WDR73: variants seen among roughly 807,000 people sequenced by gnomAD.
WDR73 encodes WD repeat domain 73.
In WDR73, 30 loss-of-function variants were observed where a neutral mutation model predicts 38.2. The ratio of observed to expected loss-of-function variants is 0.79; its 90% CI spans 0.59 to 1.06. The LOEUF is 1.06. Ranked by LOEUF, WDR73 falls within the 50% of genes least tolerant of loss-of-function variation. The pLI is 0.00. For missense variants in WDR73, 487 were observed against 467.0 expected (o/e 1.04, Z -0.40); for synonymous variants, 197 against 176.0 (o/e 1.12, Z -0.94).
intron 7 of WDR73, chr15:84,645,144 G>A (rs936971633): frequency 3.6e-5 from 40 of 1,123,872 alleles, no homozygotes; most frequent in Non-Finnish European, 4.2e-5. Context: ...TAGGGACGGG[G>A]TTTCACCGTG....
intron 2 of WDR73, chr15:84,653,155 C>G (rs1343267289): frequency 4.9e-6 from 1 of 205,318 alleles, no homozygotes; most frequent in African/African-American, 2.3e-5. Flanking sequence ...ATCAAGCAAT[C>G]TGCCCGCTGC....
At position 84,643,032 on chromosome 15, in the gene WDR73, A is replaced by C. The variant is rs1298677340; in HGVS notation, c.*438T>G. ...ACCTGTGTTCCCATGAGACCCACTC[A>C]AGAGGAGCAGAAATCCTGTTTTGCT... On this transcript the variant is annotated 3_prime_UTR_variant, in exon 8 of 8. Transcript: ENST00000434634. 5.7e-6 allele frequency: 1 copy of C among 175,982 alleles called. No homozygotes were observed. Among genetic ancestry groups the C allele is most frequent in the African/African-American group, 2.4e-5 (1 of 41,656 alleles). 10.9% of individuals were successfully genotyped at this position (175,982 alleles called of 1,614,324 possible).
At chr15:84,652,923 G>A in intron 2 of WDR73, 121 bp from the exon 3 acceptor site, 2 of 582,540 alleles carry the variant, frequency 3.4e-6, no homozygotes, top group South Asian at 2.6e-5. Context: ...TTGAGTACCT[G>A]GTTGTGTCTT....
chr15:84,653,903 C>G, intron 1 of WDR73: 1 of 606,706 alleles, frequency 1.6e-6, no homozygotes, highest in South Asian at 2.0e-5. Flanking sequence ...TGTGGACGTC[C>G]CAGGGTACCC....
intron 3 of WDR73, among the ~76,000 whole-genome samples, chr15:84,651,916 G>A (rs1380895884): frequency 1.3e-5 from 2 of 152,084 alleles, no homozygotes; most frequent in African/African-American, 2.4e-5. Context: ...TGCCCAGGCT[G>A]GAGTGCAGTG....
Position 84,645,636 on chromosome 15 carries a change from T to TGGGCCCA in WDR73, c.711_717dup (p.Ser240TrpfsTer17). On this transcript the variant is annotated frameshift_variant, in exon 7 of 8. Coordinates refer to ENST00000434634, the MANE Select transcript of WDR73 (RefSeq NM_032856.5). LOFTEE classifies it high-confidence loss of function. ...CCATCTGAGCCAAGGCTGGCAATGC[T>TGGGCCCA]GGGCCCAGGGCCCTGGCCCCAGCTC... The TGGGCCCA allele has an allele frequency of 1.2e-6, 2 of 1,608,810 alleles. No homozygotes were observed. Among genetic ancestry groups the TGGGCCCA allele is most frequent in the Non-Finnish European group, 1.7e-6 (2 of 1,177,746 alleles).
Position 84,646,477 on chromosome 15 carries a change from T to A in WDR73, c.353-129A>T. On this transcript the variant is annotated intron_variant, in intron 5 of 7. Transcript: ENST00000434634. ...AAAGGAGCTGCCGGCTGGCAAGAGATGATGTTGAGACATAACTACTCTGGC... is the reference window on the plus strand; with the variant it reads ...AAAGGAGCTGCCGGCTGGCAAGAGAAGATGTTGAGACATAACTACTCTGGC... The A allele has an allele frequency of 2.8e-6, 4 of 1,403,986 alleles. 1 individual carries two copies. The highest frequency in any genetic ancestry group is 2.8e-6 in the Non-Finnish European group (3 of 1,057,180). 87.0% of individuals were successfully genotyped at this position (1,403,986 alleles called of 1,614,324 possible).
chr15:84,648,536 C>G lies in WDR73; in HGVS notation c.287+1G>C, dbSNP rs1415518859. Reference sequence around the variant, plus strand: ...TGGCTGGATCACAAAATTGACCATACCTGGTATGTGGCACATGCTTTAGAT... The same window carrying G: ...TGGCTGGATCACAAAATTGACCATAGCTGGTATGTGGCACATGCTTTAGAT... On this transcript the variant is annotated splice_donor_variant, in intron 4 of 7. Transcript: ENST00000434634. LOFTEE classifies it high-confidence loss of function. 1.2e-6 allele frequency: 2 copies of G among 1,611,684 alleles called. No homozygotes were observed. Among genetic ancestry groups the G allele is most frequent in the South Asian group, 2.2e-5 (2 of 91,036 alleles).
intron 2 of WDR73, 48 bp downstream of exon 2, chr15:84,653,584 G>T: frequency 6.9e-7 from 1 of 1,451,980 alleles, no homozygotes; most frequent in Non-Finnish European, 9.5e-7. Flanking sequence ...CTGAAACCCA[G>T]CTCAGGAGTG....
intron 5 of WDR73, 94 bp downstream of exon 5, chr15:84,647,796 G>A: frequency 3.2e-6 from 4 of 1,241,980 alleles, no homozygotes; most frequent in Non-Finnish European, 3.6e-6. Flanking sequence ...TCCCCAGCCT[G>A]AGTCTCCTTC....
chr15:84,650,365 CTTTT>C (rs1374713030), intron 3 of WDR73, among the ~76,000 whole-genome samples: 1 of 150,954 alleles, frequency 6.6e-6, no homozygotes, highest in East Asian at 2.0e-4. Flanking sequence ...TTTTCTTTTT[CTTTT>C]TCTTTTTTTT....
Position 84,645,587 on chromosome 15 carries a change from C to CG in WDR73, c.766dup (p.Arg256ProfsTer18), listed in dbSNP as rs727502864. On this transcript the variant is annotated frameshift_variant, in exon 7 of 8. Transcript: ENST00000434634. LOFTEE classifies it high-confidence loss of function. ...TGAGCTCACAGGATGGCAGAGATCCCGGGGGTCAAGAAGACAAAGACGCCC... is the reference window on the plus strand; with the variant it reads ...TGAGCTCACAGGATGGCAGAGATCCCGGGGGGTCAAGAAGACAAAGACGCCC... The CG allele has an allele frequency of 9.3e-6, 15 of 1,610,860 alleles. No individual in the cohort carries two copies. The highest frequency in any genetic ancestry group is 1.7e-5 in the Admixed American group (1 of 59,386).
chr15:84,643,568 G>A lies in WDR73; in HGVS notation c.1039C>T (p.His347Tyr), dbSNP rs754099015. ...GMDPAPLVTT[H>Y]TWHPCRPRTL... ...CTTGGTCTGCAGGGATGCCAGGTGT[G>A]GGTGGTGACCAAAGGAGCAGGGTCC... The change falls in exon 8 of 8, where the codon CAC becomes TAC. Residue 347 changes from histidine (H) to tyrosine (Y), a missense_variant. Physicochemically the swap from His to Tyr is moderately conservative, Grantham distance 83. Transcript: ENST00000434634. The A allele has an allele frequency of 5.6e-6, 9 of 1,611,686 alleles. No homozygotes were observed. Among genetic ancestry groups the A allele is most frequent in the Middle Eastern group, 1.7e-4 (1 of 6,060 alleles).
chr15:84,643,665 T>G lies in WDR73; in HGVS notation c.942A>C (p.Gln314His). ...GTTCTACTTGGCTCCGTGTTCCATC[T>G]TGGCTCCGTGTTCCATCCCAAGATG... The part of the protein sequence containing the change: ...DATSWDGTRS[Q>H]DGTRSQVEPL... The change falls in exon 8 of 8, where the codon CAA (glutamine) becomes CAC (histidine). Residue 314 changes from glutamine (Q) to histidine (H), a missense_variant. By Grantham distance (24) the Gln-to-His change is conservative. Transcript: ENST00000434634. 8.0e-7 allele frequency: 1 copy of G among 1,243,342 alleles called. No homozygotes were observed. The highest frequency in any genetic ancestry group is 1.1e-6 in the Non-Finnish European group (1 of 875,518). The allele number at this position is 1,243,342 out of a possible 1,614,324, so 77.0% of individuals were successfully genotyped here.
intron 4 of WDR73, chr15:84,648,208 G>A (rs1896522846): frequency 2.9e-5 from 17 of 591,500 alleles, no homozygotes. Context: ...AACACAACCT[G>A]ACCCAGAGAC....
intron 2 of WDR73, 86 bp downstream of exon 2, chr15:84,653,546 G>A (rs1018579905): frequency 3.1e-6 from 3 of 964,818 alleles, no homozygotes; most frequent in Middle Eastern, 2.1e-4. Context: ...GCCCAGAAGA[G>A]TGGGTTGGGT....
intron 6 of WDR73, 65 bp from the exon 7 acceptor site, chr15:84,645,901 C>T (rs1482143561): frequency 2.5e-6 from 4 of 1,605,622 alleles, no homozygotes; most frequent in Non-Finnish European, 3.4e-6. Context: ...TTTGGCAGGG[C>T]TGGCTGGTCA....
Position 84,645,686 on chromosome 15 carries a change from C to T in WDR73, c.668G>A (p.Gly223Glu), listed in dbSNP as rs1359831571. 1 of 1,608,682 alleles carries T rather than the reference C, an allele frequency of 6.2e-7. No homozygotes were observed. The change falls in exon 7 of 8, where the codon GGA becomes GAA. Residue 223 changes from glycine to glutamate, a missense_variant. By Grantham distance (98) the Gly-to-Glu change is moderately conservative. Coordinates refer to ENST00000434634, the MANE Select transcript of WDR73 (RefSeq NM_032856.5). ...CCCAACTTCAGCACACCATCTCTCTCCACCAGACCCAGGGCCAGGGCTGCG... is the reference window on the plus strand; with the variant it reads ...CCCAACTTCAGCACACCATCTCTCTTCACCAGACCCAGGGCCAGGGCTGCG... ...ENRSPGPGSGGERWCAEVGSW... is the reference protein window; with the variant it reads ...ENRSPGPGSGEERWCAEVGSW...
At position 84,643,693 on chromosome 15, in the gene WDR73, G is replaced by A. The variant is rs774063205; in HGVS notation, c.914C>T (p.Ala305Val). ...GCTCCGTGTTCCATCCCAAGATGTG[G>A]CATCATAGACCTGGACTGTACCATC... ...GFDGTVQVYDATSWDGTRSQD... is the reference protein window; with the variant it reads ...GFDGTVQVYDVTSWDGTRSQD... The change falls in exon 8 of 8, where the codon GCC becomes GTC. Residue 305 changes from alanine (A) to valine (V), a missense_variant. Transcript: ENST00000434634. 1.9e-6 allele frequency: 3 copies of A among 1,613,250 alleles called. No individual in the cohort carries two copies. The highest frequency in any genetic ancestry group is 1.3e-5 in the African/African-American group (1 of 74,916).
Sources: gnomAD v4.1 joint callset for allele counts (sites outside exome capture counted in the v4.1 genomes callset) on GRCh38, gnomAD v4.1.1 for gene constraint, MANE v1.5 for transcripts, NCBI Gene and HGNC (gene_info 2026-07-23, HGNC 2026-07-21) for gene names.